Variants in SLC19A1 observed in about 807,000 individuals in gnomAD.
SLC19A1 encodes the protein solute carrier family 19 member 1, also known as reduced folate transporter.
A neutral mutation model predicts 35.3 loss-of-function variants in SLC19A1; 37 were observed. The ratio of observed to expected loss-of-function variants is 1.05; its 90% CI spans 0.81 to 1.38. SLC19A1 has a LOEUF of 1.38. SLC19A1 is among the 40% of genes most tolerant of loss of function. The probability of loss-of-function intolerance (pLI) is 0.00; values close to 1 mark genes in which losing one functional copy is unlikely to be tolerated. For missense variants in SLC19A1, 831 were observed against 826.9 expected (o/e 1.00, Z -0.06); for synonymous variants, 460 against 398.5 (o/e 1.15, Z -1.84).
At chr21:45,523,238 G>A (rs1243359173) in intron 5 of SLC19A1, among the ~76,000 whole-genome samples, 2 of 152,178 alleles carry the variant, frequency 1.3e-5, no homozygotes, top group South Asian at 4.1e-4. Context: ...GGGGCAAGAT[G>A]AGCCCGCACC....
In SLC19A1 at chr21:45,515,901, C is replaced by T; in HGVS notation, c.1533G>A (p.Val511=). The change falls in exon 6 of 6, where the codon GTG becomes GTA. Residue 511 remains valine, a synonymous_variant. Transcript: ENST00000311124. ...GTCTCTGCTCCAGGGAGGCTGGCCC[C>T]ACAGCCCCCAGGCTGTCTTCTGGGG... The part of the protein sequence containing the change: ...PLSPEDSLGA[V]GPASLEQRQS... 6.4e-7 allele frequency: 1 copy of T among 1,553,610 alleles called. No homozygotes were observed. Among genetic ancestry groups the T allele is most frequent in the Non-Finnish European group, 8.7e-7 (1 of 1,149,712 alleles).
chr21:45,546,058 G>A (rs910409011), upstream of SLC19A1, among the ~76,000 whole-genome samples: 2 of 152,210 alleles, frequency 1.3e-5, no homozygotes, highest in African/African-American at 2.4e-5. Flanking sequence ...GGGCCTAGGG[G>A]CCCAAAGGTC....
chr21:45,560,573 C>T (rs1171497794), intron 1 of SLC19A1, among the ~76,000 whole-genome samples: 1 of 152,176 alleles, frequency 6.6e-6, no homozygotes, highest in African/African-American at 2.4e-5. Context: ...AACAAAGAGA[C>T]ACACACTCCT....
chr21:45,531,634 C>A lies in SLC19A1; in HGVS notation c.704G>T (p.Gly235Val), dbSNP rs769876248. The part of the protein sequence containing the change: ...SELERMNPGP[G>V]GKLGHALRVA... The stretch of plus-strand genomic sequence containing the variant: ...CCGCAGGGCGTGTCCCAGCTTCCCG[C>A]CTGGGCCAGGATTCATGCGCTCCAG... The change falls in exon 3 of 6, where the codon GGC (glycine) becomes GTC (valine). Residue 235 changes from glycine (G) to valine (V), a missense_variant. Gly to Val is a moderately radical substitution (Grantham distance 109, BLOSUM62 -3). Transcript: ENST00000311124. The A allele has an allele frequency of 1.2e-6, 2 of 1,612,274 alleles. No individual in the cohort carries two copies. The highest frequency in any genetic ancestry group is 2.2e-5 in the South Asian group (2 of 91,066).
At position 45,504,628 on chromosome 21, in the gene SLC19A1, C is replaced by T. The variant is rs907065745; in HGVS notation, c.498-6016G>A. The T allele has an allele frequency of 3.3e-5, 46 of 1,414,822 alleles. 2 individuals carry two copies. The South Asian group carries it at 4.7e-4, about 14-fold the overall frequency. The allele number at this position is 1,414,822 out of a possible 1,614,324, so 87.6% of individuals were successfully genotyped here. A position where few individuals can be genotyped will look rare whatever the true frequency, so the allele number is the denominator to read the frequency against. ...GTGCAGGAGCCGAGGGCAGGTCCAGCCCGGCCTTCGACACCCGCGAAGGCC... is the reference window on the plus strand; with the variant it reads ...GTGCAGGAGCCGAGGGCAGGTCCAGTCCGGCCTTCGACACCCGCGAAGGCC... On this transcript the variant is annotated intron_variant, in intron 3 of 4. Coordinates refer to the SLC19A1 transcript ENST00000417954.
downstream of SLC19A1, chr21:45,509,983 C>A: frequency 1.4e-6 from 2 of 1,467,310 alleles, no homozygotes; most frequent in Non-Finnish European, 1.8e-6. Context: ...CACACAGGTG[C>A]GGGGCCGGGG....
At chr21:45,535,930 G>A (rs2078097282) in intron 2 of SLC19A1, 1 of 157,034 alleles carries the variant, frequency 6.4e-6, no homozygotes, top group African/African-American at 2.4e-5. Context: ...CAACAACAGG[G>A]GCTGGCGAGT....
Position 45,534,540 on chromosome 21 carries a change from C to G in SLC19A1, c.190-2392G>C. On this transcript the variant is annotated intron_variant, in intron 2 of 5. Coordinates refer to ENST00000311124, the MANE Select transcript of SLC19A1 (RefSeq NM_194255.4). This position sits in a 1 kb window ranked among gnomAD's most constrained non-coding sequence, Gnocchi z 4.2. ...GGGGTCCTAGAAGCCTCACCCACCT[C>G]CGAATGAATGGAGCATGCCTCATTT... 6.5e-7 allele frequency: 1 copy of G among 1,535,536 alleles called. No homozygotes were observed. The highest frequency in any genetic ancestry group is 8.7e-7 in the Non-Finnish European group (1 of 1,146,752).
chr21:45,516,183 T>A (rs776808121), intron 5 of SLC19A1, 43 bp from the exon 6 acceptor site: 1 of 1,493,930 alleles, frequency 6.7e-7, no homozygotes, highest in Non-Finnish European at 9.2e-7. Context: ...AGGGCCTGGC[T>A]GGGACACTGG....
Position 45,514,928 on chromosome 21 carries a change from G to C in SLC19A1, c.*730C>G, listed in dbSNP as rs1013056427. ...AGCACGTCCGCGGTGACCGGGACCA[G>C]TCCCCTCCGGGCTGGCACAAGTGTG... On this transcript the variant is annotated 3_prime_UTR_variant, in exon 6 of 6. Coordinates refer to ENST00000311124, the MANE Select transcript of SLC19A1 (RefSeq NM_194255.4). 10 of 1,384,448 alleles carry C rather than the reference G, an allele frequency of 7.2e-6. No homozygotes were observed. In the African/African-American group the frequency reaches 1.5e-4, roughly 21 times the overall value. 85.8% of individuals were successfully genotyped at this position (1,384,448 alleles called of 1,614,324 possible). A position where few individuals can be genotyped will look rare whatever the true frequency, so the allele number is the denominator to read the frequency against.
intron 1 of SLC19A1, among the ~76,000 whole-genome samples, chr21:45,551,912 A>G (rs2078469725): frequency 6.6e-6 from 1 of 151,968 alleles, no homozygotes; most frequent in East Asian, 1.9e-4. Context: ...CCACGCCTTT[A>G]TGTCCGTACT....
downstream of SLC19A1, chr21:45,509,373 C>T (rs1206488535): frequency 1.3e-6 from 2 of 1,543,982 alleles, no homozygotes; most frequent in Admixed American, 1.9e-5. Flanking sequence ...AAGTGGCCGC[C>T]TTGCAGCCCC....
chr21:45,506,903 T>G (rs1234947232), intron 3 of SLC19A1: 2 of 207,612 alleles, frequency 9.6e-6, no homozygotes, highest in Non-Finnish European at 1.0e-5. Context: ...TCCCTTCATC[T>G]GGCCAGGGAG....
chr21:45,558,652 A>T (rs1047293025), intron 1 of SLC19A1, among the ~76,000 whole-genome samples: 4 of 152,146 alleles, frequency 2.6e-5, no homozygotes, highest in Non-Finnish European at 5.9e-5. Context: ...TGCTACAGGA[A>T]GCCCTGCGGC....
In SLC19A1 at chr21:45,556,869, C is replaced by T. The variant is rs768976248; in HGVS notation, c.-50+5873G>A. Among the ~76,000 whole-genome samples, 4 of 152,306 alleles carry T rather than the reference C, an allele frequency of 2.6e-5. No individual in the cohort carries two copies. The South Asian group carries it at 6.2e-4, about 24-fold the overall frequency. On this transcript the variant is annotated intron_variant, in intron 1 of 5. Coordinates refer to the SLC19A1 transcript ENST00000650808. ...CTTCCTGGGGGCCCTGCACAGCAAC[C>T]GGCCTGCACGTGTCTCCTGGGACGG...
intron 2 of SLC19A1, among the ~76,000 whole-genome samples, chr21:45,535,689 C>T (rs763960520): frequency 5.3e-5 from 8 of 152,190 alleles, no homozygotes; most frequent in Non-Finnish European, 1.0e-4. Context: ...CTGAGGCTGC[C>T]AGCTCGTGCT....
chr21:45,514,265 C>CCCT lies in SLC19A1; in HGVS notation c.*1392_*1393insAGG, dbSNP rs908562993. ...GGAAATGGCTGGTGCAGACCCCCCC[C>CCCT]CAAGCAGGGTCCCCAGGGTGGCCAT... On this transcript the variant is annotated 3_prime_UTR_variant, in exon 6 of 6. Transcript: ENST00000311124. The CCCT allele has an allele frequency of 6.7e-6, 1 of 148,994 alleles. No individual in the cohort carries two copies. Among genetic ancestry groups the CCCT allele is most frequent in the Admixed American group, 6.6e-5 (1 of 15,156 alleles). The allele number at this position is 148,994 out of a possible 1,614,324, so 9.2% of individuals were successfully genotyped here. A position where few individuals can be genotyped will look rare whatever the true frequency, so the allele number is the denominator to read the frequency against.
chr21:45,516,461 C>G (rs773494773), intron 5 of SLC19A1, among the ~76,000 whole-genome samples: 9 of 152,206 alleles, frequency 5.9e-5, no homozygotes, highest in Admixed American at 1.3e-4. Flanking sequence ...TTGCTGCCCC[C>G]CCATGGTGCT....
chr21:45,531,821 G>C lies in SLC19A1; in HGVS notation c.517C>G (p.Leu173Val). The C allele has an allele frequency of 1.3e-6, 2 of 1,589,830 alleles. No homozygotes were observed. Among genetic ancestry groups the C allele is most frequent in the Middle Eastern group, 1.7e-4 (1 of 6,040 alleles). ...GVFTSSVLGQLLVTVGRVSFS... is the reference protein window; with the variant it reads ...GVFTSSVLGQVLVTVGRVSFS... ...GAGACTCGGCCCACAGTGACCAGCAGCTGGCCCAGCACGGAGCTGGTGAAC... is the reference window on the plus strand; with the variant it reads ...GAGACTCGGCCCACAGTGACCAGCACCTGGCCCAGCACGGAGCTGGTGAAC... The change falls in exon 3 of 6, where the codon CTG becomes GTG. Residue 173 changes from leucine (L) to valine (V), a missense_variant. By Grantham distance (32) the Leu-to-Val change is conservative. Transcript: ENST00000311124.
Sources: allele counts gnomAD v4.1 joint callset (sites outside exome capture counted in the v4.1 genomes callset), GRCh38; gene constraint gnomAD v4.1.1; non-coding constraint Gnocchi (gnomAD v3.1); transcripts MANE v1.5; gene names NCBI Gene and HGNC (gene_info 2026-07-23, HGNC 2026-07-21).